PCDH15: variants seen among roughly 807,000 people sequenced by gnomAD.
PCDH15 encodes the protein protocadherin related 15.
PCDH15 carries 129 observed loss-of-function variants against 178.5 expected under a neutral mutation model. That is an observed-to-expected ratio of 0.72 (90% confidence interval 0.63 to 0.84). The LOEUF is 0.84. Ranked by LOEUF, PCDH15 falls within the 40% of genes least tolerant of loss-of-function variation. PCDH15 has a pLI of 0.00. For missense variants in PCDH15, 2,230 were observed against 2,099.9 expected (o/e 1.06, Z -1.21); for synonymous variants, 800 against 732.0 (o/e 1.09, Z -1.50).
At chr10:55,426,319 G>A (rs760504881) in intron 2 of PCDH15, among the ~76,000 whole-genome samples, 2 of 152,140 alleles carry the variant, frequency 1.3e-5, no homozygotes, top group Non-Finnish European at 2.9e-5. Flanking sequence ...GCGTGAACAG[G>A]AGTACACCAG....
chr10:55,342,131 G>C (rs1157350970), intron 2 of PCDH15, among the ~76,000 whole-genome samples: 2 of 151,086 alleles, frequency 1.3e-5, no homozygotes, highest in Non-Finnish European at 3.0e-5. Context: ...TATTTTCCCT[G>C]AATCAATTTT....
At chr10:54,239,892 T>G (rs1320896767) in intron 8 of PCDH15, among the ~76,000 whole-genome samples, 1 of 152,124 alleles carries the variant, frequency 6.6e-6, no homozygotes, top group East Asian at 1.9e-4. Context: ...TATGATTACC[T>G]CTCAAGTAAA....
intron 2 of PCDH15, among the ~76,000 whole-genome samples, chr10:55,334,894 C>T (rs1844339294): frequency 6.6e-6 from 1 of 152,082 alleles, no homozygotes; most frequent in South Asian, 2.1e-4. Context: ...TAAAACAGAA[C>T]TATTATTAGA....
chr10:55,521,809 G>A (rs902094448), intron 2 of PCDH15, among the ~76,000 whole-genome samples: 9 of 151,834 alleles, frequency 5.9e-5, no homozygotes, highest in South Asian at 2.1e-4. Flanking sequence ...CTATCCCACC[G>A]AACATCATAG....
intron 2 of PCDH15, among the ~76,000 whole-genome samples, chr10:54,924,598 A>T (rs1162188694): frequency 1.1e-5 from 1 of 87,370 alleles, no homozygotes; most frequent in Non-Finnish European, 3.3e-5. Flanking sequence ...CAACCTCATT[A>T]GCATCTGTTA....
At chr10:55,553,398 T>A (rs1051355268) in intron 2 of PCDH15, among the ~76,000 whole-genome samples, 1 of 151,854 alleles carries the variant, frequency 6.6e-6, no homozygotes, top group Non-Finnish European at 1.5e-5. Flanking sequence ...AATAAATCAT[T>A]ATTACTCACT....
chr10:54,533,719 G>A (rs2084174565), intron 2 of PCDH15, among the ~76,000 whole-genome samples: 1 of 152,224 alleles, frequency 6.6e-6, no homozygotes, highest in African/African-American at 2.4e-5. Flanking sequence ...GTGGCACCTA[G>A]TAGAGTATTT....
At chr10:54,865,320 A>G (rs1953919333) in intron 3 of PCDH15, among the ~76,000 whole-genome samples, 1 of 152,132 alleles carries the variant, frequency 6.6e-6, no homozygotes, top group Non-Finnish European at 1.5e-5. Flanking sequence ...CTTTAACATC[A>G]GACTCTCTGG....
chr10:54,028,951 A>T (rs1372832457), intron 18 of PCDH15, among the ~76,000 whole-genome samples: 1 of 133,960 alleles, frequency 7.5e-6, no homozygotes, highest in East Asian at 2.2e-4. Context: ...TAATAAAAAA[A>T]AGACTACAAT....
intron 2 of PCDH15, among the ~76,000 whole-genome samples, chr10:55,527,331 T>C (rs970019197): frequency 2.0e-5 from 3 of 152,098 alleles, no homozygotes; most frequent in Non-Finnish European, 2.9e-5. Context: ...ATTTGCTCCA[T>C]GCCTCTTGCC....
chr10:53,819,336 C>A (rs2076173504), intron 33 of PCDH15, among the ~76,000 whole-genome samples: 1 of 152,028 alleles, frequency 6.6e-6, no homozygotes, highest in Admixed American at 6.6e-5. Context: ...TAAACTATAA[C>A]TCAATGTTAA....
intron 5 of PCDH15, among the ~76,000 whole-genome samples, chr10:54,362,729 T>C (rs1330960888): frequency 1.3e-5 from 2 of 152,088 alleles, no homozygotes; most frequent in South Asian, 2.1e-4. Flanking sequence ...GCTTAATCAA[T>C]GAGTTTAGTA....
chr10:54,528,309 A>C, intron 2 of PCDH15: 2 of 1,324,320 alleles, frequency 1.5e-6, no homozygotes, highest in South Asian at 1.3e-5. Flanking sequence ...AATTTTAATA[A>C]TGTTCTAAAG....
chr10:55,174,556 C>A (rs1240950743), intron 1 of PCDH15, among the ~76,000 whole-genome samples: 1 of 152,198 alleles, frequency 6.6e-6, no homozygotes, highest in African/African-American at 2.4e-5. Context: ...CTTTGCCTTG[C>A]ATGATATTCC....
chr10:54,977,866 T>C (rs1839114986), intron 2 of PCDH15, among the ~76,000 whole-genome samples: 1 of 152,140 alleles, frequency 6.6e-6, no homozygotes, highest in Non-Finnish European at 1.5e-5. Flanking sequence ...GACAAATTCT[T>C]ACAGAAACAT....
At chr10:55,304,747 A>G (rs1843375130) in intron 1 of PCDH15, among the ~76,000 whole-genome samples, 1 of 152,200 alleles carries the variant, frequency 6.6e-6, no homozygotes, top group Non-Finnish European at 1.5e-5. Context: ...TACTGGCTTA[A>G]GTTCTCACTT....
chr10:54,701,264 A>G (rs2095305851), intron 1 of PCDH15, among the ~76,000 whole-genome samples: 1 of 152,104 alleles, frequency 6.6e-6, no homozygotes, highest in Admixed American at 6.6e-5. Context: ...TGTTAAGGAA[A>G]TTTGTTAGCA....
intron 2 of PCDH15, among the ~76,000 whole-genome samples, chr10:55,512,506 T>C (rs1331565129): frequency 6.6e-6 from 1 of 151,962 alleles, no homozygotes; most frequent in Non-Finnish European, 1.5e-5. Flanking sequence ...ATGGACCATC[T>C]CTCTTTGCCT....
intron 2 of PCDH15, among the ~76,000 whole-genome samples, chr10:55,328,755 C>T (rs141652007): frequency 4.6e-4 from 70 of 150,804 alleles, no homozygotes; most frequent in African/African-American, 1.6e-3. Flanking sequence ...ACATTTTATT[C>T]GGTACCGTAG....
Sources: allele counts gnomAD v4.1 joint callset (sites outside exome capture counted in the v4.1 genomes callset), GRCh38; gene constraint gnomAD v4.1.1; transcripts MANE v1.5; gene names NCBI Gene and HGNC (gene_info 2026-07-23, HGNC 2026-07-21).